Variants in UBE2D1 observed in about 807,000 individuals in gnomAD.
The protein encoded by UBE2D1 is ubiquitin-conjugating enzyme E2 D1.
In UBE2D1, 9 loss-of-function variants were observed where a neutral mutation model predicts 24.6. The ratio of observed to expected loss-of-function variants is 0.37; its 90% CI spans 0.22 to 0.64. The LOEUF (loss-of-function observed/expected upper bound fraction) is 0.64. Among genes scored for constraint, UBE2D1 ranks in the 30% least tolerant of loss-of-function variants. The pLI is 0.64. For synonymous variants in UBE2D1, 57 were observed against 57.6 expected (o/e 0.99, Z 0.04); for missense variants, 87 against 177.1 (o/e 0.49, Z 2.89).
chr10:58,355,383 A>AT (rs1001135668), intron 1 of UBE2D1, among the ~76,000 whole-genome samples: 3 of 152,102 alleles, frequency 2.0e-5, no homozygotes, highest in Non-Finnish European at 2.9e-5. Context: ...CTTTTAGAAG[A>AT]TTTTTTTTAT....
At chr10:58,368,089 A>G (rs1176043495) in intron 6 of UBE2D1, 73 bp downstream of exon 6, 9 of 1,054,792 alleles carry the variant, frequency 8.5e-6, no homozygotes, top group Admixed American at 5.8e-5. Flanking sequence ...AATATTATCA[A>G]TATGTTTTAA....
At chr10:58,367,686 A>C (rs760529100) in intron 5 of UBE2D1, among the ~76,000 whole-genome samples, 3 of 152,188 alleles carry the variant, frequency 2.0e-5, no homozygotes, top group Non-Finnish European at 4.4e-5. Flanking sequence ...CTCGGAATTT[A>C]AAACTTCAAA....
chr10:58,355,048 T>C (rs1840116396), intron 1 of UBE2D1, among the ~76,000 whole-genome samples: 1 of 152,250 alleles, frequency 6.6e-6, no homozygotes, highest in Non-Finnish European at 1.5e-5. Flanking sequence ...CATATGCTTA[T>C]GCATTAATCT....
chr10:58,342,555 T>C (rs1839972619), intron 1 of UBE2D1, among the ~76,000 whole-genome samples: 1 of 152,194 alleles, frequency 6.6e-6, no homozygotes, highest in Admixed American at 6.5e-5. Context: ...TCTTCTCTTC[T>C]CTTAAACCAG....
At chr10:58,354,409 T>C (rs182608644) in intron 1 of UBE2D1, among the ~76,000 whole-genome samples, 15 of 152,232 alleles carry the variant, frequency 9.9e-5, no homozygotes, top group African/African-American at 3.6e-4. Context: ...TCTTAAACTT[T>C]TTGGTCTCAG....
chr10:58,369,649 A>C lies in UBE2D1; in HGVS notation c.*884A>C. On this transcript the variant is annotated 3_prime_UTR_variant, in exon 7 of 7. Transcript: ENST00000373910. ...AATATAAGTAAGGATCAAAACTCTAAAATTTTGCATGAAAATTACATCCAA... is the reference window on the plus strand; with the variant it reads ...AATATAAGTAAGGATCAAAACTCTACAATTTTGCATGAAAATTACATCCAA... 1 of 152,280 alleles carries C rather than the reference A, an allele frequency of 6.6e-6. No homozygotes were observed. The highest frequency in any genetic ancestry group is 1.9e-4 in the East Asian group (1 of 5,306). The allele number at this position is 152,280 out of a possible 1,614,324, so 9.4% of individuals were successfully genotyped here.
chr10:58,368,451 G>T, intron 6 of UBE2D1: 1 of 296,766 alleles, frequency 3.4e-6, no homozygotes, highest in Non-Finnish European at 6.2e-6. Flanking sequence ...ATTGGCTTTT[G>T]TAAATTTCTG....
chr10:58,359,171 CTTGTT>C (rs1273858264), intron 1 of UBE2D1, among the ~76,000 whole-genome samples: 2 of 152,156 alleles, frequency 1.3e-5, no homozygotes, highest in Admixed American at 1.3e-4. Flanking sequence ...CACCCTCCTT[CTTGTT>C]TGTCTCTATT....
At chr10:58,362,557 G>A (rs1054566874) in intron 3 of UBE2D1, among the ~76,000 whole-genome samples, 2 of 151,922 alleles carry the variant, frequency 1.3e-5, no homozygotes, top group Non-Finnish European at 2.9e-5. Context: ...TTTGAATTAT[G>A]GCCTTTCACA....
intron 1 of UBE2D1, among the ~76,000 whole-genome samples, chr10:58,348,333 C>T (rs1272969207): frequency 6.6e-6 from 1 of 152,176 alleles, no homozygotes; most frequent in African/African-American, 2.4e-5. Context: ...GAGATCAGGG[C>T]CTGAACTGTA....
chr10:58,335,876 CACA>C (rs1344970898), intron 1 of UBE2D1, among the ~76,000 whole-genome samples: 1 of 152,196 alleles, frequency 6.6e-6, no homozygotes, highest in Non-Finnish European at 1.5e-5. Flanking sequence ...GTTGCTGATA[CACA>C]ACAAGATGAC....
In UBE2D1 at chr10:58,368,877, AT is replaced by A; in HGVS notation, c.*117del. 3.3e-6 allele frequency: 2 copies of A among 604,600 alleles called. No homozygotes were observed. 37.5% of individuals were successfully genotyped at this position (604,600 alleles called of 1,614,324 possible). A position where few individuals can be genotyped will look rare whatever the true frequency, so the allele number is the denominator to read the frequency against. On this transcript the variant is annotated 3_prime_UTR_variant, in exon 7 of 7. Coordinates refer to ENST00000373910, the MANE Select transcript of UBE2D1 (RefSeq NM_003338.5). ...TTTCATTGTACCATGAAACCATTTG[AT>A]TTTTACCCATTTTAAATGTGTTTCT...
At chr10:58,361,423 G>A (rs1380205532) in intron 2 of UBE2D1, 22 bp downstream of exon 2, 3 of 1,613,998 alleles carry the variant, frequency 1.9e-6, no homozygotes, top group Non-Finnish European at 2.5e-6. Context: ...TCTATTTCTG[G>A]GATTATGCTA....
At chr10:58,342,791 T>C (rs549259077) in intron 1 of UBE2D1, among the ~76,000 whole-genome samples, 1 of 151,894 alleles carries the variant, frequency 6.6e-6, no homozygotes, top group Non-Finnish European at 1.5e-5. Flanking sequence ...ATTATTTGAC[T>C]CCTTTTAAAT....
chr10:58,335,143 G>GC lies in UBE2D1; in HGVS notation c.-55dup. On this transcript the variant is annotated 5_prime_UTR_variant, in exon 1 of 7. Coordinates refer to ENST00000373910, the MANE Select transcript of UBE2D1 (RefSeq NM_003338.5). ...GCGAGCCCAACCCGCGACGACCCAC[G>GC]CCCCTGAGCCCCGCAGCCGACCCCT... The GC allele has an allele frequency of 6.6e-7, 1 of 1,524,302 alleles. No individual in the cohort carries two copies. Among genetic ancestry groups the GC allele is most frequent in the Non-Finnish European group, 8.8e-7 (1 of 1,136,798 alleles). The allele number at this position is 1,524,302 out of a possible 1,614,324, so 94.4% of individuals were successfully genotyped here.
chr10:58,345,596 A>G (rs1215060957), intron 1 of UBE2D1, among the ~76,000 whole-genome samples: 3 of 152,226 alleles, frequency 2.0e-5, no homozygotes, highest in Admixed American at 6.5e-5. Context: ...TTTAAAATTA[A>G]TAAGTGTAAG....
At chr10:58,341,728 C>T (rs552036521) in intron 1 of UBE2D1, among the ~76,000 whole-genome samples, 1 of 152,212 alleles carries the variant, frequency 6.6e-6, no homozygotes, top group Non-Finnish European at 1.5e-5. Context: ...CATATGGGCC[C>T]TTTATTTTCA....
chr10:58,343,843 C>G (rs553970444), intron 1 of UBE2D1, among the ~76,000 whole-genome samples: 6 of 152,242 alleles, frequency 3.9e-5, no homozygotes, highest in East Asian at 3.9e-4. Flanking sequence ...TATTTAATAA[C>G]AAATATTTGG....
At chr10:58,349,556 A>G (rs1164437237) in intron 1 of UBE2D1, among the ~76,000 whole-genome samples, 1 of 152,152 alleles carries the variant, frequency 6.6e-6, no homozygotes, top group Non-Finnish European at 1.5e-5. Context: ...TACTAGTCTT[A>G]TTATTTGATA....
Sources: allele counts gnomAD v4.1 joint callset (sites outside exome capture counted in the v4.1 genomes callset), GRCh38; gene constraint gnomAD v4.1.1; transcripts MANE v1.5; gene names NCBI Gene and HGNC (gene_info 2026-07-23, HGNC 2026-07-21).